The following KIAA0825 variants were observed in gnomAD, a reference collection of about 807,000 sequenced individuals.
KIAA0825 encodes KIAA0825, also known as uncharacterized protein KIAA0825.
A neutral mutation model predicts 147.6 loss-of-function variants in KIAA0825; 119 were observed. The ratio of observed to expected loss-of-function variants is 0.81; its 90% CI spans 0.69 to 0.94. KIAA0825 has a LOEUF of 0.94. Ranked by LOEUF, KIAA0825 falls within the 40% of genes least tolerant of loss-of-function variation. KIAA0825 has a pLI of 0.00. For synonymous variants in KIAA0825, 470 were observed against 518.1 expected (o/e 0.91, Z 1.26); for missense variants, 1,381 against 1,472.7 (o/e 0.94, Z 1.02).
At chr5:94,529,511 T>A (rs533711604) in intron 3 of KIAA0825, among the ~76,000 whole-genome samples, 1 of 151,180 alleles carries the variant, frequency 6.6e-6, no homozygotes, top group African/African-American at 2.4e-5. Flanking sequence ...GACCACAGAA[T>A]GTACATATAA....
intron 20 of KIAA0825, among the ~76,000 whole-genome samples, chr5:94,180,775 C>G (rs1769540789): frequency 6.6e-6 from 1 of 152,072 alleles, no homozygotes; most frequent in Admixed American, 6.6e-5. Context: ...GTCTTACATA[C>G]TTTTTTTCAG....
chr5:94,200,523 A>G (rs901259426), intron 20 of KIAA0825, among the ~76,000 whole-genome samples: 2 of 151,908 alleles, frequency 1.3e-5, no homozygotes, highest in Non-Finnish European at 2.9e-5. Flanking sequence ...CCTTACTGCT[A>G]AACTTCTGAT....
chr5:94,478,014 A>C (rs992977531), intron 6 of KIAA0825, among the ~76,000 whole-genome samples: 2 of 152,168 alleles, frequency 1.3e-5, no homozygotes, highest in Non-Finnish European at 2.9e-5. Flanking sequence ...TTTTTTCCCC[A>C]TGATTTACCA....
intron 15 of KIAA0825, among the ~76,000 whole-genome samples, chr5:94,408,112 T>A (rs551044582): frequency 8.8e-4 from 134 of 152,126 alleles, no homozygotes; most frequent in Non-Finnish European, 1.6e-3. Flanking sequence ...AAATGGTGGG[T>A]TGGATTTGGT....
chr5:94,292,692 A>G (rs923272060), intron 20 of KIAA0825, among the ~76,000 whole-genome samples: 3 of 152,144 alleles, frequency 2.0e-5, no homozygotes, highest in Non-Finnish European at 2.9e-5. Flanking sequence ...AAGGAATGGT[A>G]TCAGCTCCTC....
At chr5:94,191,389 A>G (rs1770664867) in intron 20 of KIAA0825, among the ~76,000 whole-genome samples, 2 of 152,178 alleles carry the variant, frequency 1.3e-5, no homozygotes, top group African/African-American at 4.8e-5. Flanking sequence ...AAAACTGAAC[A>G]CAAAATGAAA....
chr5:94,428,519 G>A (rs184409632), intron 14 of KIAA0825, among the ~76,000 whole-genome samples: 121 of 152,144 alleles, frequency 8.0e-4, no homozygotes, highest in Middle Eastern at 6.8e-3. Context: ...TAGTTTGGTG[G>A]GATATGAAAT....
intron 20 of KIAA0825, among the ~76,000 whole-genome samples, chr5:94,206,198 A>G (rs1772182365): frequency 6.6e-6 from 1 of 152,002 alleles, no homozygotes; most frequent in African/African-American, 2.4e-5. Context: ...ATTGCCTTTA[A>G]TGAGGCTTTT....
rs150081194 is a variant in KIAA0825 at position 94,153,792 on chromosome 5, T to C, written c.*215A>G. The C allele has an allele frequency of 3.6e-5, 14 of 393,350 alleles. No individual in the cohort carries two copies. In the South Asian group the frequency reaches 4.9e-4, roughly 14 times the overall value. 24.4% of individuals were successfully genotyped at this position (393,350 alleles called of 1,614,324 possible). On this transcript the variant is annotated 3_prime_UTR_variant, in exon 21 of 21. Transcript: ENST00000682413. The stretch of plus-strand genomic sequence containing the variant: ...CAGTTATATCATATAAAGAGAAAGA[T>C]TGGGGAAAGAAAAACATTTGAAATT...
rs1052536616 is a variant in KIAA0825, at chr5:94,519,248, G to A, written c.970+1000C>T. ...ACTGAAATTTTATTAATGAAGATACGCACAAGTATAGTGAGCTATAGGAAT... is the reference window on the plus strand; with the variant it reads ...ACTGAAATTTTATTAATGAAGATACACACAAGTATAGTGAGCTATAGGAAT... On this transcript the variant is annotated intron_variant, in intron 5 of 20. Coordinates refer to ENST00000682413, the MANE Select transcript of KIAA0825 (RefSeq NM_001145678.3). The A allele has an allele frequency of 1.6e-5, 14 of 885,310 alleles. No individual in the cohort carries two copies. In the Admixed American group the frequency reaches 2.5e-4, roughly 16 times the overall value. The allele number at this position is 885,310 out of a possible 1,614,324, so 54.8% of individuals were successfully genotyped here.
chr5:94,549,437 C>T (rs1387305366), intron 2 of KIAA0825, among the ~76,000 whole-genome samples: 2 of 152,176 alleles, frequency 1.3e-5, no homozygotes, highest in African/African-American at 2.4e-5. Context: ...TGGGAGCTGG[C>T]GCGGTGGCTC....
chr5:94,240,772 C>T (rs1174830954), intron 20 of KIAA0825, among the ~76,000 whole-genome samples: 2 of 152,174 alleles, frequency 1.3e-5, no homozygotes, highest in Non-Finnish European at 2.9e-5. Context: ...TGATTCCCTT[C>T]GTGAGCCAAG....
At chr5:94,559,027 C>T (rs1028190612) in intron 2 of KIAA0825, among the ~76,000 whole-genome samples, 8 of 152,160 alleles carry the variant, frequency 5.3e-5, no homozygotes, top group Admixed American at 2.0e-4. Flanking sequence ...CATTTCTGAA[C>T]GCTCCCATGT....
chr5:94,258,289 A>C (rs1776340157), intron 20 of KIAA0825, among the ~76,000 whole-genome samples: 1 of 152,044 alleles, frequency 6.6e-6, no homozygotes, highest in African/African-American at 2.4e-5. Context: ...TATCATTAAC[A>C]AAACTGAGAG....
intron 10 of KIAA0825, among the ~76,000 whole-genome samples, chr5:94,469,589 A>C (rs1760970962): frequency 6.6e-6 from 1 of 152,256 alleles, no homozygotes; most frequent in South Asian, 2.1e-4. Context: ...AATGTATAAC[A>C]AGAAAAAATG....
At chr5:94,303,218 A>C (rs1446571205) in intron 20 of KIAA0825, among the ~76,000 whole-genome samples, 1 of 152,096 alleles carries the variant, frequency 6.6e-6, no homozygotes, top group Non-Finnish European at 1.5e-5. Flanking sequence ...AAATCTTTTC[A>C]AGTTATAATA....
intron 20 of KIAA0825, among the ~76,000 whole-genome samples, chr5:94,275,417 T>TA (rs1777178036): frequency 6.6e-6 from 1 of 152,158 alleles, no homozygotes; most frequent in African/African-American, 2.4e-5. Flanking sequence ...ATTCCAGAGA[T>TA]AAACTTTAGA....
At chr5:94,255,248 G>T (rs1309922940) in intron 20 of KIAA0825, among the ~76,000 whole-genome samples, 1 of 151,672 alleles carries the variant, frequency 6.6e-6, no homozygotes, top group Non-Finnish European at 1.5e-5. Flanking sequence ...ATGACATTGG[G>T]AAGGCATCGA....
intron 1 of KIAA0825, chr5:94,593,706 C>T: frequency 2.6e-6 from 1 of 382,602 alleles, no homozygotes; most frequent in East Asian, 6.2e-5. Flanking sequence ...CAGTTCTGCA[C>T]AAACATTTGG....
Sources: allele counts gnomAD v4.1 joint callset (sites outside exome capture counted in the v4.1 genomes callset), GRCh38; gene constraint gnomAD v4.1.1; transcripts MANE v1.5; gene names NCBI Gene and HGNC (gene_info 2026-07-23, HGNC 2026-07-21).